KIF13B: variants seen among roughly 807,000 people sequenced by gnomAD.
KIF13B encodes the protein kinesin-like protein KIF13B.
A neutral mutation model predicts 222.0 loss-of-function variants in KIF13B; 127 were observed. The ratio of observed to expected loss-of-function variants is 0.57; its 90% CI spans 0.50 to 0.66. The LOEUF is 0.66. KIF13B is among the 30% of genes least tolerant of loss of function. The pLI is 0.00. For missense variants in KIF13B, 2,173 were observed against 2,379.0 expected, an observed-to-expected ratio of 0.91 and a Z score of 1.80; for synonymous variants, 976 against 919.0, an observed-to-expected ratio of 1.06 and a Z score of -1.12.
chr8:29,121,988 C>T (rs926968306), intron 29 of KIF13B, among the ~76,000 whole-genome samples: 1 of 152,220 alleles, frequency 6.6e-6, no homozygotes, highest in Non-Finnish European at 1.5e-5. Context: ...GGCGCAGTGG[C>T]TCACGCCTGT....
At chr8:29,237,470 A>C (rs1050162803) in intron 2 of KIF13B, among the ~76,000 whole-genome samples, 2 of 152,212 alleles carry the variant, frequency 1.3e-5, no homozygotes. Flanking sequence ...AACCATATAC[A>C]CAAACCCTGA....
In KIF13B at chr8:29,128,074, T is replaced by C. The variant is rs558603655; in HGVS notation, c.3076-806A>G. On this transcript the variant is annotated intron_variant, in intron 24 of 39. Transcript: ENST00000524189. ...AGTAAATATATCAGTAAATATATTA[T>C]GTAAATAACTTGTATATAATACATA... Among the ~76,000 whole-genome samples the C allele has an allele frequency of 1.2e-3, 175 of 149,862 alleles. 2 individuals are homozygous for C. The highest frequency in any genetic ancestry group is 4.0e-3 in the African/African-American group (166 of 41,146).
rs1807068296 is a variant in KIF13B, at chr8:29,067,851, T to C, written c.*2653A>G. The C allele has an allele frequency of 6.5e-6, 1 of 152,772 alleles. No individual in the cohort carries two copies. The allele number at this position is 152,772 out of a possible 1,614,324, so 9.5% of individuals were successfully genotyped here. A position where few individuals can be genotyped will look rare whatever the true frequency, so the allele number is the denominator to read the frequency against. ...GAACCTTGGTAGGCCCAGAAACATCTTCCCCCTCCTCACCTCTGCCCTCCC... is the reference window on the plus strand; with the variant it reads ...GAACCTTGGTAGGCCCAGAAACATCCTCCCCCTCCTCACCTCTGCCCTCCC... On this transcript the variant is annotated 3_prime_UTR_variant, in exon 40 of 40. Transcript: ENST00000524189.
At chr8:29,094,722 A>C (rs1210326861) in intron 36 of KIF13B, among the ~76,000 whole-genome samples, 1 of 152,238 alleles carries the variant, frequency 6.6e-6, no homozygotes, top group Non-Finnish European at 1.5e-5. Flanking sequence ...TAGATACTGG[A>C]TTTAACAGAC....
intron 3 of KIF13B, among the ~76,000 whole-genome samples, chr8:29,193,195 G>T (rs1813266556): frequency 6.6e-6 from 1 of 152,172 alleles, no homozygotes; most frequent in Non-Finnish European, 1.5e-5. Flanking sequence ...GCCCCTGAGA[G>T]CCCTTGGGCC....
chr8:29,121,797 AG>A (rs900710806), intron 29 of KIF13B, among the ~76,000 whole-genome samples: 1 of 151,592 alleles, frequency 6.6e-6, no homozygotes, highest in African/African-American at 2.4e-5. Context: ...AAATTTTCGC[AG>A]TTTTTTTTTT....
chr8:29,095,917 CAT>C (rs1808500473), intron 36 of KIF13B, among the ~76,000 whole-genome samples: 2 of 151,178 alleles, frequency 1.3e-5, no homozygotes, highest in South Asian at 4.2e-4. Flanking sequence ...AAAAACAAAA[CAT>C]AAAAGATTAT....
chr8:29,180,352 A>G, intron 7 of KIF13B, 114 bp from the exon 8 acceptor site: 1 of 1,055,630 alleles, frequency 9.5e-7, no homozygotes, highest in Non-Finnish European at 1.4e-6. Context: ...CAACATTTGG[A>G]GTTAACATTT....
chr8:29,153,133 A>C (rs1466412840), intron 14 of KIF13B, among the ~76,000 whole-genome samples: 1 of 152,212 alleles, frequency 6.6e-6, no homozygotes, highest in African/African-American at 2.4e-5. Context: ...TATGGTATGA[A>C]GTATTAGAGA....
intron 37 of KIF13B, among the ~76,000 whole-genome samples, 192 bp downstream of exon 37, chr8:29,092,553 T>C (rs1808346395): frequency 6.6e-6 from 1 of 151,994 alleles, no homozygotes; most frequent in Admixed American, 6.6e-5. Context: ...AAGGAAGGAG[T>C]GTGTCCGTAA....
chr8:29,108,863 T>A (rs960320053), intron 34 of KIF13B, among the ~76,000 whole-genome samples: 2 of 152,188 alleles, frequency 1.3e-5, no homozygotes, highest in Admixed American at 6.6e-5. Context: ...CACATCTTCA[T>A]CAAAAATGAG....
At chr8:29,180,048 T>C (rs1812646048) in intron 8 of KIF13B, 56 bp downstream of exon 8, 1 of 1,597,372 alleles carries the variant, frequency 6.3e-7, no homozygotes, top group Non-Finnish European at 8.5e-7. Flanking sequence ...AGGAAAAAAA[T>C]AAAACCACAA....
chr8:29,070,247 A>AT lies in KIF13B; in HGVS notation c.*256dup. ...CACCACCCAGGGTCTCAGTCCTAGC[A>AT]TCCCCCAGCCCCTGCGGGCACCCAG... On this transcript the variant is annotated 3_prime_UTR_variant, in exon 40 of 40. Transcript: ENST00000524189. This position sits in a 1 kb window ranked among gnomAD's most constrained non-coding sequence, Gnocchi z 4.1. 1 of 552,144 alleles carries AT rather than the reference A, an allele frequency of 1.8e-6. No individual in the cohort carries two copies. The highest frequency in any genetic ancestry group is 3.2e-6 in the Non-Finnish European group (1 of 312,518). 34.2% of individuals were successfully genotyped at this position (552,144 alleles called of 1,614,324 possible).
chr8:29,162,241 A>C (rs1468331834), intron 12 of KIF13B, among the ~76,000 whole-genome samples: 1 of 152,202 alleles, frequency 6.6e-6, no homozygotes, highest in Non-Finnish European at 1.5e-5. Context: ...AACTACAGCC[A>C]CAAAGTAAGT....
At chr8:29,109,656 G>A in intron 33 of KIF13B, 145 bp from the exon 34 acceptor site, 2 of 755,002 alleles carry the variant, frequency 2.6e-6, no homozygotes, top group Non-Finnish European at 2.3e-6. Flanking sequence ...ATTACGTACT[G>A]CATGCCTGTA....
intron 13 of KIF13B, among the ~76,000 whole-genome samples, chr8:29,157,882 G>A (rs1436678682): frequency 6.8e-6 from 1 of 148,144 alleles, no homozygotes; most frequent in Non-Finnish European, 1.5e-5. Context: ...GCTTCTCTTT[G>A]AACTTCCAAT....
intron 33 of KIF13B, 54 bp downstream of exon 33, chr8:29,109,864 A>C: frequency 6.4e-7 from 1 of 1,571,666 alleles, no homozygotes; most frequent in Non-Finnish European, 8.7e-7. Flanking sequence ...TCAAACACAG[A>C]CTCAGCCTGC....
At chr8:29,169,313 G>A (rs1812138594) in intron 10 of KIF13B, among the ~76,000 whole-genome samples, 1 of 152,292 alleles carries the variant, frequency 6.6e-6, no homozygotes. Context: ...TAAAAATCTA[G>A]AACTGGTAAG....
At chr8:29,207,629 C>T (rs189084146) in intron 2 of KIF13B, among the ~76,000 whole-genome samples, 15 of 151,990 alleles carry the variant, frequency 9.9e-5, no homozygotes, top group South Asian at 4.2e-4. Context: ...ATTAATACAC[C>T]TTTTTATCCA....
Sources: allele counts gnomAD v4.1 joint callset (sites outside exome capture counted in the v4.1 genomes callset), GRCh38; gene constraint gnomAD v4.1.1; non-coding constraint Gnocchi (gnomAD v3.1); transcripts MANE v1.5; gene names NCBI Gene and HGNC (gene_info 2026-07-23, HGNC 2026-07-21).